The following AGPS variants were observed in gnomAD, a reference collection of about 807,000 sequenced individuals.
AGPS encodes alkyldihydroxyacetonephosphate synthase, peroxisomal.
AGPS carries 26 observed loss-of-function variants against 90.7 expected under a neutral mutation model. The observed-to-expected ratio is 0.29, with a 90% CI of 0.21 to 0.40. AGPS has a LOEUF of 0.40. AGPS is among the 10% of genes least tolerant of loss of function. The pLI is 1.00. For synonymous variants in AGPS, 294 were observed against 285.3 expected (o/e 1.03, Z -0.31); for missense variants, 540 against 816.1 (o/e 0.66, Z 4.12).
intron 5 of AGPS, among the ~76,000 whole-genome samples, chr2:177,438,107 GAGA>G (rs975862124): frequency 3.3e-5 from 5 of 152,102 alleles, no homozygotes; most frequent in African/African-American, 1.2e-4. Flanking sequence ...CCAAGATTTG[GAGA>G]AGGTTTATTC....
intron 19 of AGPS, among the ~76,000 whole-genome samples, chr2:177,534,822 C>T (rs187965822): frequency 2.1e-5 from 1 of 46,608 alleles, no homozygotes; most frequent in Non-Finnish European, 4.6e-5. Flanking sequence ...TGGTCTTGAA[C>T]TCCTGGGCTT....
chr2:177,476,599 T>C (rs1687787859), intron 10 of AGPS, among the ~76,000 whole-genome samples: 1 of 152,150 alleles, frequency 6.6e-6, no homozygotes, highest in African/African-American at 2.4e-5. Context: ...TAGTCTGTCC[T>C]GGAGAATGTT....
intron 2 of AGPS, among the ~76,000 whole-genome samples, chr2:177,429,710 TG>T (rs1179729860): frequency 6.6e-6 from 1 of 151,956 alleles, no homozygotes; most frequent in Non-Finnish European, 1.5e-5. Flanking sequence ...CGTCCCAGGG[TG>T]GGTAGTGACC....
In AGPS at chr2:177,392,981, G is replaced by T. The variant is rs1218586614; in HGVS notation, c.192G>T (p.Ala64=). The change falls in exon 1 of 20, where the codon GCG becomes GCT. Residue 64 remains alanine (A), a synonymous_variant. Coordinates refer to ENST00000264167, the MANE Select transcript of AGPS (RefSeq NM_003659.4). ...ATGAGTGCAAAGCGCGGAGAGCCGC[G>T]TCGGCGGCCACGGCAGCGCCCACGG... The part of the protein sequence containing the change: ...STNECKARRA[A]SAATAAPTAT... 1.3e-6 allele frequency: 2 copies of T among 1,549,912 alleles called. No homozygotes were observed. The highest frequency in any genetic ancestry group is 1.7e-6 in the Non-Finnish European group (2 of 1,146,628).
At chr2:177,472,577 G>A (rs867897363) in intron 10 of AGPS, among the ~76,000 whole-genome samples, 6 of 152,034 alleles carry the variant, frequency 3.9e-5, no homozygotes, top group Middle Eastern at 3.4e-3. Context: ...TTTTATTGGC[G>A]TTTTCTGACT....
chr2:177,416,898 A>G (rs578110837), intron 1 of AGPS, among the ~76,000 whole-genome samples: 1 of 152,250 alleles, frequency 6.6e-6, no homozygotes, highest in Admixed American at 6.5e-5. Context: ...CTGAGATCAT[A>G]CTGGTTAATT....
intron 16 of AGPS, among the ~76,000 whole-genome samples, chr2:177,513,402 C>T (rs1306385950): frequency 6.6e-6 from 1 of 152,132 alleles, no homozygotes; most frequent in Non-Finnish European, 1.5e-5. Flanking sequence ...TGAGTTATTT[C>T]TAAATTAAGG....
chr2:177,533,201 A>G (rs1471422425), intron 19 of AGPS, among the ~76,000 whole-genome samples: 1 of 152,192 alleles, frequency 6.6e-6, no homozygotes, highest in Non-Finnish European at 1.5e-5. Context: ...TATGTTGATT[A>G]TAATATTTTT....
At chr2:177,447,928 T>A (rs1027470527) in intron 8 of AGPS, among the ~76,000 whole-genome samples, 1 of 152,284 alleles carries the variant, frequency 6.6e-6, no homozygotes, top group Non-Finnish European at 1.5e-5. Context: ...CAGATTTTAA[T>A]CGCTTTAACT....
At chr2:177,479,889 T>C (rs112771016) in intron 10 of AGPS, among the ~76,000 whole-genome samples, 1 of 152,192 alleles carries the variant, frequency 6.6e-6, no homozygotes, top group Admixed American at 6.5e-5. Flanking sequence ...CGCAAAACAT[T>C]GTATTTTGGG....
chr2:177,441,260 T>G, intron 6 of AGPS: 407 of 428,452 alleles, frequency 9.5e-4, no homozygotes, highest in East Asian at 2.4e-3. Flanking sequence ...CTATGGGCCC[T>G]AGTTGAAGCT....
chr2:177,435,283 A>G (rs1332879309), intron 3 of AGPS, among the ~76,000 whole-genome samples: 5 of 151,874 alleles, frequency 3.3e-5, no homozygotes. Context: ...TTAAAAATCC[A>G]CAGTTATTTT....
At chr2:177,475,002 T>A (rs1187768210) in intron 10 of AGPS, among the ~76,000 whole-genome samples, 2 of 152,256 alleles carry the variant, frequency 1.3e-5, no homozygotes, top group Non-Finnish European at 1.5e-5. Flanking sequence ...TATACTCACC[T>A]TCTTTAATGA....
chr2:177,402,469 A>G (rs935728584), intron 1 of AGPS, among the ~76,000 whole-genome samples: 21 of 152,194 alleles, frequency 1.4e-4, no homozygotes, highest in African/African-American at 5.1e-4. Context: ...TATTCATGCC[A>G]CATTTTTCAG....
At chr2:177,530,396 AAAT>A (rs1350066675) in intron 19 of AGPS, among the ~76,000 whole-genome samples, 2 of 152,238 alleles carry the variant, frequency 1.3e-5, no homozygotes, top group African/African-American at 4.8e-5. Flanking sequence ...CATAAATTTT[AAAT>A]AATGTTTTTA....
At chr2:177,453,690 A>AT (rs11401105) in intron 8 of AGPS, among the ~76,000 whole-genome samples, 64,899 of 90,162 alleles carry the variant, frequency 0.72, 24,448 homozygotes, top group Admixed American at 0.77. Context: ...ATCAGTAGTA[A>AT]TTTTTTTTTT....
At chr2:177,456,397 G>A (rs1687110830) in intron 8 of AGPS, among the ~76,000 whole-genome samples, 1 of 152,184 alleles carries the variant, frequency 6.6e-6, no homozygotes, top group Admixed American at 6.5e-5. Flanking sequence ...GTGGTATACT[G>A]CGGTATGCAA....
intron 10 of AGPS, among the ~76,000 whole-genome samples, chr2:177,479,265 G>A (rs1687873239): frequency 6.6e-6 from 1 of 152,158 alleles, no homozygotes; most frequent in African/African-American, 2.4e-5. Flanking sequence ...TACACTCAAG[G>A]TAGAGCTTTT....
intron 9 of AGPS, among the ~76,000 whole-genome samples, chr2:177,465,705 G>A (rs971018908): frequency 1.3e-5 from 2 of 152,372 alleles, no homozygotes; most frequent in East Asian, 3.9e-4. Flanking sequence ...ACCAGGGAAT[G>A]TGGTGGTGCC....
Sources: gnomAD v4.1 joint callset for allele counts (sites outside exome capture counted in the v4.1 genomes callset) on GRCh38, gnomAD v4.1.1 for gene constraint, MANE v1.5 for transcripts, NCBI Gene and HGNC (gene_info 2026-07-23, HGNC 2026-07-21) for gene names.